The following CNTN5 variants were observed in gnomAD, a reference collection of about 807,000 sequenced individuals.
CNTN5 encodes the protein contactin 5.
CNTN5 carries 77 observed loss-of-function variants against 129.1 expected under a neutral mutation model. That is an observed-to-expected ratio of 0.60 (90% CI 0.50 to 0.72). CNTN5 has a LOEUF of 0.72. CNTN5 is among the 30% of genes least tolerant of loss of function. The probability of loss-of-function intolerance (pLI) is 0.00; values close to 1 mark genes in which losing one functional copy is unlikely to be tolerated. For missense variants in CNTN5, 1,478 were observed against 1,328.8 expected (o/e 1.11, Z -1.75); for synonymous variants, 509 against 465.6 (o/e 1.09, Z -1.20).
chr11:99,657,528 T>G (rs1229017667), intron 3 of CNTN5, among the ~76,000 whole-genome samples: 1 of 152,150 alleles, frequency 6.6e-6, no homozygotes, highest in African/African-American at 2.4e-5. Context: ...CTCAACTGAT[T>G]ATTACTACCC....
intron 1 of CNTN5, among the ~76,000 whole-genome samples, chr11:99,205,505 T>C (rs1859435426): frequency 1.3e-5 from 2 of 152,284 alleles, no homozygotes; most frequent in Middle Eastern, 6.8e-3. Flanking sequence ...CCGTCTCAAA[T>C]TACTTCCAAA....
chr11:99,312,453 C>T (rs1865153447), intron 1 of CNTN5, among the ~76,000 whole-genome samples: 1 of 152,088 alleles, frequency 6.6e-6, no homozygotes, highest in Non-Finnish European at 1.5e-5. Flanking sequence ...TAGTGTTTTA[C>T]ACAATGCATG....
intron 1 of CNTN5, among the ~76,000 whole-genome samples, chr11:99,240,269 G>C (rs958493312): frequency 1.3e-5 from 2 of 152,034 alleles, no homozygotes; most frequent in African/African-American, 4.8e-5. Flanking sequence ...AAATTAAGAG[G>C]AAATAATGAG....
intron 3 of CNTN5, among the ~76,000 whole-genome samples, chr11:99,754,685 A>C (rs1041397285): frequency 7.9e-5 from 12 of 152,170 alleles, no homozygotes; most frequent in Non-Finnish European, 2.9e-5. Context: ...CTTCTCTGCC[A>C]CACAGAGCCT....
At position 99,928,112 on chromosome 11, in the gene CNTN5, C is replaced by G. The variant is rs116306518; in HGVS notation, c.673+11963C>G. ...AAAGGTTCAAAATGATTTCCTTTGA[C>G]TACATGTCCAACATCCAGGTCACAC... On this transcript the variant is annotated intron_variant, in intron 7 of 24. Transcript: ENST00000524871. Among the ~76,000 whole-genome samples, 201 of 152,324 alleles carry G rather than the reference C, an allele frequency of 1.3e-3. 1 individual carries two copies. Among genetic ancestry groups the G allele is most frequent in the African/African-American group, 4.8e-3 (198 of 41,572 alleles).
chr11:99,337,137 G>T (rs1270510281), intron 2 of CNTN5, among the ~76,000 whole-genome samples: 1 of 152,124 alleles, frequency 6.6e-6, no homozygotes, highest in East Asian at 1.9e-4. Flanking sequence ...TAATATTAAG[G>T]TGTATGTGAA....
intron 3 of CNTN5, among the ~76,000 whole-genome samples, chr11:99,581,206 A>T (rs1949574609): frequency 1.9e-5 from 2 of 105,596 alleles, no homozygotes; most frequent in Admixed American, 1.0e-4. Flanking sequence ...ACAGTTTGTT[A>T]TAATTTCTGT....
At chr11:99,705,265 G>A (rs1270280865) in intron 3 of CNTN5, among the ~76,000 whole-genome samples, 4 of 151,202 alleles carry the variant, frequency 2.6e-5, no homozygotes, top group Non-Finnish European at 5.9e-5. Context: ...ATTTCTTCAA[G>A]GCCTAGTGTT....
At chr11:99,232,872 G>A (rs1220953951) in intron 1 of CNTN5, among the ~76,000 whole-genome samples, 1 of 152,020 alleles carries the variant, frequency 6.6e-6, no homozygotes, top group African/African-American at 2.4e-5. Context: ...ATCAAAAACC[G>A]AGCTTCTACT....
At chr11:100,074,483 C>G (rs1285400779) in intron 13 of CNTN5, 189 bp downstream of exon 13, 2 of 520,878 alleles carry the variant, frequency 3.8e-6, no homozygotes, top group Non-Finnish European at 6.7e-6. Context: ...GGTCAGTCTT[C>G]TTTGACTCCA....
chr11:100,225,578 A>C (rs565221461), intron 16 of CNTN5: 3 of 152,108 alleles, frequency 2.0e-5, no homozygotes, highest in Non-Finnish European at 1.5e-5. Flanking sequence ...CATTTTCACC[A>C]ATCATAAGCA....
At chr11:100,336,500 A>G (rs1027022865) in intron 21 of CNTN5, among the ~76,000 whole-genome samples, 5 of 152,236 alleles carry the variant, frequency 3.3e-5, no homozygotes, top group Non-Finnish European at 7.3e-5. Flanking sequence ...AGGAAGTGAT[A>G]CACAAAGAAA....
At chr11:100,058,875 C>T (rs974625049) in intron 9 of CNTN5, among the ~76,000 whole-genome samples, 1 of 152,040 alleles carries the variant, frequency 6.6e-6, no homozygotes, top group Non-Finnish European at 1.5e-5. Context: ...GCTGGCTACA[C>T]AAATTAGGAC....
At chr11:100,065,848 G>T (rs1943673155) in intron 10 of CNTN5, among the ~76,000 whole-genome samples, 1 of 151,926 alleles carries the variant, frequency 6.6e-6, no homozygotes, top group Admixed American at 6.6e-5. Flanking sequence ...ATTAGTTTTT[G>T]TTCTTTTTTC....
chr11:100,131,350 G>A (rs1221731307), intron 13 of CNTN5, among the ~76,000 whole-genome samples: 2 of 152,086 alleles, frequency 1.3e-5, no homozygotes, highest in Admixed American at 6.6e-5. Flanking sequence ...TTGATATGGA[G>A]TGTGAGGATT....
At position 99,643,487 on chromosome 11, in the gene CNTN5, T is replaced by A. The variant is rs879801869; in HGVS notation, c.55+87218T>A. 3.3e-5 allele frequency among the ~76,000 whole-genome samples: 5 copies of A among 152,318 alleles called. No individual in the cohort carries two copies. The South Asian group carries it at 8.3e-4, about 25-fold the overall frequency. On this transcript the variant is annotated intron_variant, in intron 3 of 24. Transcript: ENST00000524871. ...GTATTTCAATTTTTATATCTATAAATAAGGATGATAACTATACTTATCTCA... is the reference window on the plus strand; with the variant it reads ...GTATTTCAATTTTTATATCTATAAAAAAGGATGATAACTATACTTATCTCA...
intron 3 of CNTN5, among the ~76,000 whole-genome samples, chr11:99,779,792 C>G (rs966846745): frequency 2.0e-5 from 3 of 151,862 alleles, no homozygotes; most frequent in Non-Finnish European, 4.4e-5. Flanking sequence ...ACAACAAATC[C>G]CTTGCATATA....
At chr11:99,948,171 A>T (rs997662308) in intron 7 of CNTN5, among the ~76,000 whole-genome samples, 3 of 152,348 alleles carry the variant, frequency 2.0e-5, no homozygotes, top group Admixed American at 2.0e-4. Context: ...TAATTTAAAA[A>T]TTATTATCTG....
chr11:100,049,815 G>A (rs939278253), intron 9 of CNTN5, among the ~76,000 whole-genome samples: 95 of 152,040 alleles, frequency 6.2e-4, no homozygotes, highest in Non-Finnish European at 9.7e-4. Flanking sequence ...GTGGGCAAAG[G>A]ACATGAACAG....
Sources: allele counts gnomAD v4.1 joint callset (sites outside exome capture counted in the v4.1 genomes callset), GRCh38; gene constraint gnomAD v4.1.1; transcripts MANE v1.5; gene names NCBI Gene and HGNC (gene_info 2026-07-23, HGNC 2026-07-21).